The following NEURL1B variants were observed in gnomAD, a reference collection of about 807,000 sequenced individuals.
NEURL1B encodes the protein neuralized E3 ubiquitin protein ligase 1B, also known as E3 ubiquitin-protein ligase NEURL1B.
NEURL1B carries 13 observed loss-of-function variants against 37.4 expected under a neutral mutation model. The observed-to-expected ratio is 0.35, with a 90% CI of 0.23 to 0.55. The LOEUF is 0.55. Among genes scored for constraint, NEURL1B ranks in the 20% least tolerant of loss-of-function variants. NEURL1B has a pLI of 0.89. For missense variants in NEURL1B, 790 were observed against 879.2 expected, an observed-to-expected ratio of 0.90 and a Z score of 1.28; for synonymous variants, 432 against 426.6, an observed-to-expected ratio of 1.01 and a Z score of -0.16.
chr5:172,662,159 T>G (rs958825522), intron 1 of NEURL1B: 7 of 153,410 alleles, frequency 4.6e-5, no homozygotes, highest in Non-Finnish European at 2.9e-5. Flanking sequence ...ACACACTGTG[T>G]GTCTGATGAG....
In NEURL1B at chr5:172,670,016, C is replaced by A; in HGVS notation, c.263C>A (p.Ala88Asp). Residue 88 changes from alanine (A) to aspartate (D), a missense_variant, in exon 2 of 5, where the codon GCC becomes GAC. Around this residue, in one of 3 missense-constraint regions of NEURL1B, gnomAD observed 215 missense variants for 309.2 expected, o/e 0.70. Coordinates refer to ENST00000369800, the MANE Select transcript of NEURL1B (RefSeq NM_001142651.3). ...GAGCAGGTGCGGCTGCGCCTGGTGG[C>A]CGTGCGCCCTGGCTGGAGCGGCGCG... is the stretch of plus-strand genomic sequence containing the variant. ...LYEQVRLRLV[A>D]VRPGWSGALR... 6.7e-7 allele frequency: 1 copy of A among 1,489,320 alleles called. No homozygotes were observed. The highest frequency in any genetic ancestry group is 8.9e-7 in the Non-Finnish European group (1 of 1,125,824). 92.3% of individuals were successfully genotyped at this position (1,489,320 alleles called of 1,614,324 possible).
chr5:172,673,723 C>G (rs368623409), intron 2 of NEURL1B, among the ~76,000 whole-genome samples: 1 of 149,386 alleles, frequency 6.7e-6, no homozygotes, highest in Non-Finnish European at 1.5e-5. Flanking sequence ...CTCAGCCTCC[C>G]GAGTAGCCAG....
intron 1 of NEURL1B, among the ~76,000 whole-genome samples, chr5:172,663,829 T>TTTTTTTTTTTATTATTATTATTATTA (rs138220033): frequency 2.8e-5 from 4 of 140,826 alleles, no homozygotes; most frequent in Admixed American, 7.2e-5. Flanking sequence ...GTTTTATTTG[T>TTTTTTTTTTTATTATTATTATTATTA]TTATTATTAT....
Position 172,686,643 on chromosome 5 carries a change from GAC to G in NEURL1B, c.1424-36_1424-35del. The G allele has an allele frequency of 6.5e-7, 1 of 1,530,682 alleles. No individual in the cohort carries two copies. Among genetic ancestry groups the G allele is most frequent in the Non-Finnish European group, 8.8e-7 (1 of 1,130,914 alleles). 94.8% of individuals were successfully genotyped at this position (1,530,682 alleles called of 1,614,324 possible). ...GCCCCAACAGAGCCCACCTGAGAGAGACATTGTTAACATATGTCCTCTTCTCC... is the reference window on the plus strand; with the variant it reads ...GCCCCAACAGAGCCCACCTGAGAGAGATTGTTAACATATGTCCTCTTCTCC... On this transcript the variant is annotated intron_variant, in intron 4 of 4. Transcript: ENST00000369800. This position sits in a 1 kb window ranked among gnomAD's most constrained non-coding sequence, Gnocchi z 7.9.
At chr5:172,672,918 G>T (rs1212480041) in intron 2 of NEURL1B, among the ~76,000 whole-genome samples, 1 of 152,142 alleles carries the variant, frequency 6.6e-6, no homozygotes, top group Non-Finnish European at 1.5e-5. Flanking sequence ...TATGGAAAGA[G>T]CTTGTATTGC....
intron 1 of NEURL1B, among the ~76,000 whole-genome samples, chr5:172,660,258 G>A (rs1479182862): frequency 6.6e-6 from 1 of 152,206 alleles, no homozygotes; most frequent in Admixed American, 6.5e-5. Context: ...GTCGGAGTCA[G>A]CTTGGGAATC....
Position 172,675,107 on chromosome 5 carries a change from C to T in NEURL1B, c.577+4777C>T, listed in dbSNP as rs1011829331. Among the ~76,000 whole-genome samples the T allele has an allele frequency of 3.4e-4, 51 of 152,118 alleles. No homozygotes were observed. Among genetic ancestry groups the T allele is most frequent in the Non-Finnish European group, 5.7e-4 (39 of 68,028 alleles). On this transcript the variant is annotated intron_variant, in intron 2 of 4. Transcript: ENST00000369800. This position sits in a 1 kb window ranked among gnomAD's most constrained non-coding sequence, Gnocchi z 4.7. ...GGTCAGGTTGGTCTCGAACTCCTGACCTCAGGTGATCCGCCCGCCTCGGCC... is the reference window on the plus strand; with the variant it reads ...GGTCAGGTTGGTCTCGAACTCCTGATCTCAGGTGATCCGCCCGCCTCGGCC...
chr5:172,681,451 T>C (rs190647720), intron 2 of NEURL1B, among the ~76,000 whole-genome samples: 3 of 152,334 alleles, frequency 2.0e-5, no homozygotes, highest in African/African-American at 4.8e-5. Flanking sequence ...ACCCCACTTC[T>C]TCCCTCGAGC....
chr5:172,680,314 C>T (rs1758323325), intron 2 of NEURL1B, among the ~76,000 whole-genome samples: 1 of 152,052 alleles, frequency 6.6e-6, no homozygotes, highest in Admixed American at 6.5e-5. Flanking sequence ...AAAGCCAGGA[C>T]TTGAATCTAA....
chr5:172,683,958 C>T lies in NEURL1B; in HGVS notation c.1117C>T (p.Arg373Cys), dbSNP rs1041724374. The change falls in exon 3 of 5, where the codon CGC becomes TGC. Residue 373 changes from arginine (R) to cysteine (C), a missense_variant. Arg to Cys is a radical substitution (Grantham distance 180). Coordinates refer to ENST00000369800, the MANE Select transcript of NEURL1B (RefSeq NM_001142651.3). This position sits in a 1 kb window ranked among gnomAD's most constrained non-coding sequence, Gnocchi z 5.6. ...LDRKEYWVVA[R>C]AGPVPSGGDA... ...CCGCAAAGAGTACTGGGTGGTGGCG[C>T]GCGCCGGGCCCGTGCCGAGCGGCGG... 1 of 1,330,188 alleles carries T rather than the reference C, an allele frequency of 7.5e-7. No individual in the cohort carries two copies. Among genetic ancestry groups the T allele is most frequent in the Admixed American group, 3.6e-5 (1 of 28,166 alleles). The allele number at this position is 1,330,188 out of a possible 1,614,324, so 82.4% of individuals were successfully genotyped here.
intron 1 of NEURL1B, among the ~76,000 whole-genome samples, chr5:172,667,910 A>G (rs1758047243): frequency 7.5e-6 from 1 of 134,140 alleles, no homozygotes; most frequent in Non-Finnish European, 1.5e-5. Flanking sequence ...CATTCTGGCT[A>G]ACTGGCTTCC....
rs1021479075 is a variant in NEURL1B, at chr5:172,670,066, G to C, written c.313G>C (p.Asp105His). 5 of 1,521,924 alleles carry C rather than the reference G, an allele frequency of 3.3e-6. No individual in the cohort carries two copies. The highest frequency in any genetic ancestry group is 4.4e-6 in the Non-Finnish European group (5 of 1,140,782). 94.3% of individuals were successfully genotyped at this position (1,521,924 alleles called of 1,614,324 possible). ...GCTGCGCTTCGGCTTCACCGCGCAC[G>C]ATCCGTCGCTCATGAGCGCCCAGGA... is the stretch of plus-strand genomic sequence containing the variant. ...GALRFGFTAH[D>H]PSLMSAQDIP... is the part of the protein sequence containing the mutation. The change falls in exon 2 of 5, where the codon GAT (aspartate) becomes CAT (histidine). Residue 105 changes from aspartate (D) to histidine (H), a missense_variant. Asp to His is a moderately conservative substitution (Grantham distance 81). Around this residue, in one of 3 missense-constraint regions of NEURL1B, gnomAD observed 215 missense variants for 309.2 expected, o/e 0.70. Coordinates refer to ENST00000369800, the MANE Select transcript of NEURL1B (RefSeq NM_001142651.3).
Position 172,647,795 on chromosome 5 carries a change from G to T in NEURL1B, c.31+6358G>T, listed in dbSNP as rs890332841. ...TGGGAATCTTGCCTGAGAGGAGACG[G>T]GGTGAGCTTGAGTTCTGTGCTCCTT... On this transcript the variant is annotated intron_variant, in intron 1 of 4. Coordinates refer to ENST00000369800, the MANE Select transcript of NEURL1B (RefSeq NM_001142651.3). The surrounding 1 kb of genome is among the most constrained non-coding windows in gnomAD (Gnocchi z 4.2). 6.6e-6 allele frequency among the ~76,000 whole-genome samples: 1 copy of T among 152,072 alleles called. No homozygotes were observed. Among genetic ancestry groups the T allele is most frequent in the African/African-American group, 2.4e-5 (1 of 41,386 alleles).
Position 172,667,275 on chromosome 5 carries a change from T to TAAAAAAAAAAAAAAAAAAA in NEURL1B, c.32-2507_32-2489dup, listed in dbSNP as rs55663413. Among the ~76,000 whole-genome samples, 56 of 72,276 alleles carry TAAAAAAAAAAAAAAAAAAA rather than the reference T, an allele frequency of 7.7e-4. 2 individuals are homozygous for TAAAAAAAAAAAAAAAAAAA. Among genetic ancestry groups the TAAAAAAAAAAAAAAAAAAA allele is most frequent in the African/African-American group, 3.6e-3 (45 of 12,408 alleles). The allele number at this position is 72,276 out of a possible 152,430, so 47.4% of individuals were successfully genotyped here. On this transcript the variant is annotated intron_variant, in intron 1 of 4. Coordinates refer to ENST00000369800, the MANE Select transcript of NEURL1B (RefSeq NM_001142651.3). ...CAACATGGTGAAACCCTGTCTCTACTAAAAAAAAAAAAAAAAAAAAATTAG... is the reference window on the plus strand; with the variant it reads ...CAACATGGTGAAACCCTGTCTCTACTAAAAAAAAAAAAAAAAAAAAAAAAAAAAAAAAAAAAAAAATTAG...
Position 172,641,473 on chromosome 5 carries a change from G to A in NEURL1B, c.31+36G>A. ...GAGCCCTGCCCGGGAGGCGGGCGCC[G>A]GGCTTCTCTCCTCCGGGGGACCCGC... On this transcript the variant is annotated intron_variant, in intron 1 of 4. Coordinates refer to ENST00000369800, the MANE Select transcript of NEURL1B (RefSeq NM_001142651.3). The surrounding 1 kb of genome is among the most constrained non-coding windows in gnomAD (Gnocchi z 6.4). 2.3e-6 allele frequency: 3 copies of A among 1,284,074 alleles called. No homozygotes were observed. Among genetic ancestry groups the A allele is most frequent in the Non-Finnish European group, 3.0e-6 (3 of 1,016,416 alleles). 79.5% of individuals were successfully genotyped at this position (1,284,074 alleles called of 1,614,324 possible). A position where few individuals can be genotyped will look rare whatever the true frequency, so the allele number is the denominator to read the frequency against.
chr5:172,677,986 AG>A (rs1244830720), intron 2 of NEURL1B, among the ~76,000 whole-genome samples: 1 of 152,134 alleles, frequency 6.6e-6, no homozygotes, highest in African/African-American at 2.4e-5. Flanking sequence ...TCAGCCTGTC[AG>A]ACCCTGAGCC....
rs560881822 is a variant in NEURL1B at position 172,690,037 on chromosome 5, C to G, written c.*3112C>G. On this transcript the variant is annotated 3_prime_UTR_variant, in exon 5 of 5. Transcript: ENST00000369800. ...ACCACCCCCTCAAGCGGGGCCCCAG[C>G]CCCCTGAGCACCCCCTCACGTGACC... The G allele has an allele frequency of 6.6e-6, 1 of 152,384 alleles. No homozygotes were observed. Among genetic ancestry groups the G allele is most frequent in the Non-Finnish European group, 1.5e-5 (1 of 68,164 alleles). The allele number at this position is 152,384 out of a possible 1,614,324, so 9.4% of individuals were successfully genotyped here.
chr5:172,686,418 CCTCAGCTGTATG>C lies in NEURL1B; in HGVS notation c.1423+131_1423+142del. 1 of 1,092,828 alleles carries C rather than the reference CCTCAGCTGTATG, an allele frequency of 9.2e-7. No homozygotes were observed. The highest frequency in any genetic ancestry group is 1.3e-6 in the Non-Finnish European group (1 of 759,830). The allele number at this position is 1,092,828 out of a possible 1,614,324, so 67.7% of individuals were successfully genotyped here. On this transcript the variant is annotated intron_variant, in intron 4 of 4. Coordinates refer to ENST00000369800, the MANE Select transcript of NEURL1B (RefSeq NM_001142651.3). This position sits in a 1 kb window ranked among gnomAD's most constrained non-coding sequence, Gnocchi z 7.9. ...GCCTTTCCCCCGCATCCTCTCCTTC[CCTCAGCTGTATG>C]CTCAGCTGGAGGGAGGAGAAGTGTC...
At position 172,676,714 on chromosome 5, in the gene NEURL1B, A is replaced by G. The variant is rs569499474; in HGVS notation, c.577+6384A>G. ...GAAGCACTGAGATCCCTTGTTAAAG[A>G]TAGTTACTAGGCACTTACTCTGTGC... On this transcript the variant is annotated intron_variant, in intron 2 of 4. Coordinates refer to ENST00000369800, the MANE Select transcript of NEURL1B (RefSeq NM_001142651.3). This position sits in a 1 kb window ranked among gnomAD's most constrained non-coding sequence, Gnocchi z 4.5. Among the ~76,000 whole-genome samples, 1 of 152,366 alleles carries G rather than the reference A, an allele frequency of 6.6e-6. No homozygotes were observed. Among genetic ancestry groups the G allele is most frequent in the Admixed American group, 6.5e-5 (1 of 15,302 alleles).
Sources: gnomAD v4.1 joint callset for allele counts (sites outside exome capture counted in the v4.1 genomes callset) on GRCh38, gnomAD v4.1.1 for gene constraint, gnomAD v4.1.1 regional missense constraint, Gnocchi (gnomAD v3.1) non-coding constraint, MANE v1.5 for transcripts, NCBI Gene and HGNC (gene_info 2026-07-23, HGNC 2026-07-21) for gene names.